Variants in HOXD3 observed in about 807,000 individuals in gnomAD.
HOXD3 encodes the protein homeobox D3.
A neutral mutation model predicts 32.8 loss-of-function variants in HOXD3; 13 were observed. The ratio of observed to expected loss-of-function variants is 0.40; its 90% CI spans 0.26 to 0.63. The LOEUF is 0.63. Ranked by LOEUF, HOXD3 falls within the 20% of genes least tolerant of loss-of-function variation. HOXD3 has a pLI of 0.44. For missense variants in HOXD3, 504 were observed against 577.1 expected (o/e 0.87, Z 1.30); for synonymous variants, 241 against 246.8 (o/e 0.98, Z 0.22).
rs1387318527 is a variant in HOXD3 at position 176,171,980 on chromosome 2, G to T, written c.1005G>T (p.Glu335Asp). 1 of 1,610,676 alleles carries T rather than the reference G, an allele frequency of 6.2e-7. No individual in the cohort carries two copies. The highest frequency in any genetic ancestry group is 1.7e-5 in the Admixed American group (1 of 59,932). The change falls in exon 4 of 4, where the codon GAG becomes GAT. Residue 335 changes from glutamate to aspartate, a missense_variant. Physicochemically the swap from Glu to Asp is conservative, Grantham distance 45. Around this residue, in one of 3 missense-constraint regions of HOXD3, gnomAD observed 226 missense variants for 246.9 expected, o/e 0.92. Coordinates refer to ENST00000683222, the MANE Select transcript of HOXD3 (RefSeq NM_006898.5). ...QQKRYAAPEF[E>D]PHPMASNGGG... is the part of the protein sequence containing the mutation. The stretch of plus-strand genomic sequence containing the variant: ...AGCGCTACGCAGCGCCGGAGTTCGA[G>T]CCCCATCCCATGGCGAGCAACGGCG...
intron 1 of HOXD3, among the ~76,000 whole-genome samples, chr2:176,162,903 C>T (rs1690851998): frequency 6.6e-6 from 1 of 152,170 alleles, no homozygotes; most frequent in African/African-American, 2.4e-5. Flanking sequence ...CGAAAGTTGA[C>T]GTCCGCCCAC....
upstream of HOXD3, chr2:176,152,845 C>T (rs942498317): frequency 4.3e-6 from 7 of 1,613,916 alleles, no homozygotes; most frequent in Non-Finnish European, 5.9e-6. This position sits in a 1 kb window ranked among gnomAD's most constrained non-coding sequence, Gnocchi z 5.2. Context: ...AGGTCATCGT[C>T]CTCATCTTCC....
intron 2 of HOXD3, among the ~76,000 whole-genome samples, chr2:176,168,566 T>TAAAACAAAA (rs112099371): frequency 6.7e-6 from 1 of 150,256 alleles, no homozygotes; most frequent in Non-Finnish European, 1.5e-5. Context: ...AAATTCCATC[T>TAAAACAAAA]AAAACAAAAC....
At chr2:176,171,489 C>A (rs761433524) in intron 3 of HOXD3, 28 bp from the exon 4 acceptor site, 8 of 1,552,876 alleles carry the variant, frequency 5.2e-6, no homozygotes, top group Non-Finnish European at 7.0e-6. Flanking sequence ...ACTCGCTCAG[C>A]GCCCTCCCTC....
At chr2:176,155,136 C>G (rs1690618570), upstream of HOXD3, among the ~76,000 whole-genome samples, 1 of 152,158 alleles carries the variant, frequency 6.6e-6, no homozygotes. Flanking sequence ...GAGCCGCTAT[C>G]CTTAGGCAAG....
At chr2:176,168,970 C>T (rs1269286402) in intron 2 of HOXD3, 61 bp from the exon 3 acceptor site, 98 of 1,299,258 alleles carry the variant, frequency 7.5e-5, no homozygotes, top group Non-Finnish European at 1.0e-4. Flanking sequence ...GCTAGTCCTT[C>T]TATATTGACT....
chr2:176,152,812 A>G (rs781124713), upstream of HOXD3: 27 of 1,614,136 alleles, frequency 1.7e-5, no homozygotes, highest in South Asian at 2.0e-4. The surrounding 1 kb of genome is among the most constrained non-coding windows in gnomAD (Gnocchi z 5.2). Flanking sequence ...AAAAAAGATC[A>G]TAAGCTGCCC....
intron 3 of HOXD3, among the ~76,000 whole-genome samples, chr2:176,170,027 A>G (rs1236994450): frequency 1.3e-5 from 2 of 152,254 alleles, no homozygotes; most frequent in African/African-American, 4.8e-5. Flanking sequence ...TATAGCCCAT[A>G]TCACACGAAT....
upstream of HOXD3, chr2:176,152,846 C>T: frequency 1.2e-6 from 2 of 1,614,030 alleles, no homozygotes; most frequent in Non-Finnish European, 1.7e-6. This position sits in a 1 kb window ranked among gnomAD's most constrained non-coding sequence, Gnocchi z 5.2. Context: ...GGTCATCGTC[C>T]TCATCTTCCT....
At chr2:176,155,889 GCA>G (rs916759872), upstream of HOXD3, among the ~76,000 whole-genome samples, 1 of 152,050 alleles carries the variant, frequency 6.6e-6, no homozygotes, top group Non-Finnish European at 1.5e-5. Context: ...TTTGTCCATC[GCA>G]GCCTTTTGTT....
At position 176,171,856 on chromosome 2, in the gene HOXD3, A is replaced by G; in HGVS notation, c.881A>G (p.Tyr294Cys). 1 of 1,602,926 alleles carries G rather than the reference A, an allele frequency of 6.2e-7. No individual in the cohort carries two copies. The highest frequency in any genetic ancestry group is 8.5e-7 in the Non-Finnish European group (1 of 1,174,930). Residue 294 changes from tyrosine (Y) to cysteine (C), a missense_variant, in exon 4 of 4, where the codon TAC (tyrosine) becomes TGC (cysteine). Transcript: ENST00000683222. ...GQLPPVPGLAYDAPSPPAFAK... is the reference protein window; with the variant it reads ...GQLPPVPGLACDAPSPPAFAK... ...CTGCCGCCAGTGCCCGGCCTGGCCT[A>G]CGACGCGCCCTCGCCGCCTGCTTTC...
Position 176,171,917 on chromosome 2 carries a change from C to G in HOXD3, c.942C>G (p.Ala314=), listed in dbSNP as rs763480334. 1.6e-5 allele frequency: 25 copies of G among 1,609,848 alleles called. No homozygotes were observed. Among genetic ancestry groups the G allele is most frequent in the South Asian group, 1.4e-4 (13 of 90,830 alleles). Residue 314 remains alanine, a synonymous_variant, in exon 4 of 4, where the codon GCC becomes GCG. Coordinates refer to ENST00000683222, the MANE Select transcript of HOXD3 (RefSeq NM_006898.5). The part of the protein sequence containing the change: ...KSQPNMYGLA[A]YTAPLSSCLP... Reference sequence around the variant, plus strand: ...AGCCCAATATGTACGGCCTGGCCGCCTACACGGCGCCACTCAGCAGCTGCC... The same window carrying G: ...AGCCCAATATGTACGGCCTGGCCGCGTACACGGCGCCACTCAGCAGCTGCC...
rs1421334353 is a variant in HOXD3, at chr2:176,163,899, C to G, written c.-180-174C>G. 2.6e-5 allele frequency among the ~76,000 whole-genome samples: 4 copies of G among 152,160 alleles called. No individual in the cohort carries two copies. In the East Asian group the frequency reaches 7.7e-4, roughly 29 times the overall value. On this transcript the variant is annotated intron_variant, in intron 1 of 3. Coordinates refer to ENST00000683222, the MANE Select transcript of HOXD3 (RefSeq NM_006898.5). ...TTGGCGTTAAAGGGGCCCTCGCTCC[C>G]CAGGAGCCAACTGAGTCTGTGTTTT...
chr2:176,156,694 T>C (rs1430554774), upstream of HOXD3, among the ~76,000 whole-genome samples: 1 of 152,084 alleles, frequency 6.6e-6, no homozygotes, highest in African/African-American at 2.4e-5. Flanking sequence ...CACTCCCCAC[T>C]ATAAAAAGTG....
At chr2:176,159,558 G>T (rs1051311671) in intron 1 of HOXD3, among the ~76,000 whole-genome samples, 1 of 152,210 alleles carries the variant, frequency 6.6e-6, no homozygotes, top group Non-Finnish European at 1.5e-5. Flanking sequence ...CCCGTGGTGC[G>T]GGATTCCCGA....
In HOXD3 at chr2:176,169,374, A is replaced by G. The variant is rs761686555; in HGVS notation, c.260A>G (p.Asn87Ser). Reference sequence around the variant, plus strand: ...CCAGCCCACAAAGGAGCTGAACTCAATGGCAGCTGCATGCGGCCGGGCACT... The same window carrying G: ...CCAGCCCACAAAGGAGCTGAACTCAGTGGCAGCTGCATGCGGCCGGGCACT... ...RAPAHKGAEL[N>S]GSCMRPGTGN... Residue 87 changes from asparagine (N) to serine (S), a missense_variant, in exon 3 of 4, where the codon AAT becomes AGT. By Grantham distance (46) the Asn-to-Ser change is conservative. Around this residue, in one of 3 missense-constraint regions of HOXD3, gnomAD observed 181 missense variants for 172.2 expected, o/e 1.05. Coordinates refer to ENST00000683222, the MANE Select transcript of HOXD3 (RefSeq NM_006898.5). 1.5e-5 allele frequency: 25 copies of G among 1,613,878 alleles called. No homozygotes were observed. The highest frequency in any genetic ancestry group is 1.8e-5 in the Non-Finnish European group (21 of 1,179,972).
chr2:176,160,507 C>T (rs1052430591), intron 1 of HOXD3, among the ~76,000 whole-genome samples: 1 of 152,244 alleles, frequency 6.6e-6, no homozygotes, highest in Non-Finnish European at 1.5e-5. Flanking sequence ...CCCAAGCCTC[C>T]TGCGCCCTTC....
chr2:176,162,109 A>C (rs185221237), intron 1 of HOXD3, among the ~76,000 whole-genome samples: 7 of 152,358 alleles, frequency 4.6e-5, no homozygotes, highest in Admixed American at 4.6e-4. Context: ...AGAGGAACCG[A>C]CTTCCAGGGG....
At chr2:176,155,001 T>TA (rs1445146266), upstream of HOXD3, among the ~76,000 whole-genome samples, 1 of 152,230 alleles carries the variant, frequency 6.6e-6, no homozygotes, top group Non-Finnish European at 1.5e-5. Context: ...ATTTTCTATT[T>TA]GATTAGCTGT....
Sources: allele counts gnomAD v4.1 joint callset (sites outside exome capture counted in the v4.1 genomes callset), GRCh38; gene constraint gnomAD v4.1.1; regional missense constraint gnomAD v4.1.1; non-coding constraint Gnocchi (gnomAD v3.1); transcripts MANE v1.5; gene names NCBI Gene and HGNC (gene_info 2026-07-23, HGNC 2026-07-21).